The following ARPP21 variants were observed in gnomAD, a reference collection of about 807,000 sequenced individuals.
ARPP21 encodes cAMP-regulated phosphoprotein 21.
A neutral mutation model predicts 113.2 loss-of-function variants in ARPP21; 69 were observed. The ratio of observed to expected loss-of-function variants is 0.61; its 90% confidence interval spans 0.50 to 0.74. The LOEUF is 0.74. Among genes scored for constraint, ARPP21 ranks in the 30% least tolerant of loss-of-function variants. ARPP21 has a pLI of 0.00. For synonymous variants in ARPP21, 368 were observed against 375.5 expected, an observed-to-expected ratio of 0.98 and a Z score of 0.23; for missense variants, 1,070 against 1,037.4, an observed-to-expected ratio of 1.03 and a Z score of -0.43.
intron 14 of ARPP21, among the ~76,000 whole-genome samples, chr3:35,728,402 T>C (rs965434509): frequency 1.3e-5 from 2 of 151,728 alleles, no homozygotes; most frequent in Non-Finnish European, 2.9e-5. Flanking sequence ...GTATTTTTAG[T>C]AGAGATGGGG....
chr3:35,667,972 G>A (rs1300390109), intron 1 of ARPP21, among the ~76,000 whole-genome samples: 2 of 129,368 alleles, frequency 1.5e-5, no homozygotes, highest in African/African-American at 5.9e-5. Context: ...AGAAGAAGAA[G>A]AAGAAGAAGA....
At chr3:35,763,978 A>G (rs1053180593) in intron 19 of ARPP21, among the ~76,000 whole-genome samples, 1 of 152,136 alleles carries the variant, frequency 6.6e-6, no homozygotes, top group Admixed American at 6.6e-5. Context: ...CGCCTGGGCA[A>G]CATAGGGAAA....
intron 5 of ARPP21, chr3:35,684,089 C>T: frequency 6.4e-7 from 1 of 1,558,402 alleles, no homozygotes; most frequent in South Asian, 1.2e-5. Flanking sequence ...AAAAAGTAGG[C>T]ACAGTAGTGC....
chr3:35,730,423 G>C (rs999071350), intron 15 of ARPP21, among the ~76,000 whole-genome samples: 2 of 152,160 alleles, frequency 1.3e-5, no homozygotes, highest in African/African-American at 4.8e-5. Context: ...ACACCCAGTA[G>C]GTAGAGTACA....
chr3:35,772,372 GTT>G (rs1183020990), intron 19 of ARPP21, among the ~76,000 whole-genome samples: 4 of 152,162 alleles, frequency 2.6e-5, no homozygotes, highest in African/African-American at 9.6e-5. Flanking sequence ...AACAGATCCA[GTT>G]TAGCCCAGGC....
At chr3:35,764,849 A>G (rs977538849) in intron 19 of ARPP21, among the ~76,000 whole-genome samples, 18 of 152,154 alleles carry the variant, frequency 1.2e-4, no homozygotes, top group Admixed American at 2.0e-4. Context: ...ATACATATGC[A>G]TAGAGGAATA....
At chr3:35,751,209 G>C (rs1203168833) in intron 19 of ARPP21, among the ~76,000 whole-genome samples, 2 of 152,132 alleles carry the variant, frequency 1.3e-5, no homozygotes, top group African/African-American at 4.8e-5. Flanking sequence ...TTCTGAAACT[G>C]TAGGGATGTG....
At chr3:35,741,734 G>A (rs1231413087) in intron 18 of ARPP21, among the ~76,000 whole-genome samples, 1 of 152,118 alleles carries the variant, frequency 6.6e-6, no homozygotes, top group Non-Finnish European at 1.5e-5. Flanking sequence ...ACATTTCTGA[G>A]CTTTGGGGCT....
intron 18 of ARPP21, among the ~76,000 whole-genome samples, chr3:35,739,993 A>G (rs2094561704): frequency 6.6e-6 from 1 of 152,166 alleles, no homozygotes. Context: ...TTTCTTATCA[A>G]TTCTCAAGCA....
intron 9 of ARPP21, among the ~76,000 whole-genome samples, chr3:35,695,873 C>T (rs773846716): frequency 1.3e-5 from 2 of 151,498 alleles, no homozygotes; most frequent in Non-Finnish European, 3.0e-5. Flanking sequence ...ATTTTTCTAA[C>T]TTTACTGAAG....
In ARPP21 at chr3:35,743,903, T is replaced by TG. The variant is rs1237011641; in HGVS notation, c.2077dup (p.Ala693GlyfsTer50). Reference sequence around the variant, plus strand: ...TCAACCACGCAACAGTACCGGCCCATGGCCCCGGTTCAGTACAACGCTCAG... The same window carrying TG: ...TCAACCACGCAACAGTACCGGCCCATGGGCCCCGGTTCAGTACAACGCTCAG... On this transcript the variant is annotated frameshift_variant, in exon 19 of 21. Transcript: ENST00000684406. LOFTEE classifies it high-confidence loss of function. The TG allele has an allele frequency of 2.5e-6, 4 of 1,613,614 alleles. No individual in the cohort carries two copies. The highest frequency in any genetic ancestry group is 3.4e-6 in the Non-Finnish European group (4 of 1,179,586).
At chr3:35,682,621 T>C in intron 3 of ARPP21, 1 of 446,640 alleles carries the variant, frequency 2.2e-6, no homozygotes, top group Admixed American at 4.1e-5. Context: ...CCAATAGTTG[T>C]TATAAACAGA....
Position 35,793,710 on chromosome 3 carries a change from A to T in ARPP21, c.2296A>T (p.Thr766Ser). 6.2e-7 allele frequency: 1 copy of T among 1,613,570 alleles called. No homozygotes were observed. Among genetic ancestry groups the T allele is most frequent in the Non-Finnish European group, 8.5e-7 (1 of 1,179,532 alleles). The change falls in exon 21 of 21, where the codon ACC becomes TCC. Residue 766 changes from threonine (T) to serine (S), a missense_variant. Transcript: ENST00000684406. ...TTGTGTCTTTTTACAGGTGCCAATG[A>T]CCCAGGGTTCTCAAGGACTGCCCCA... is the stretch of plus-strand genomic sequence containing the variant. ...PTMSSYQVPM[T>S]QGSQGLPQQS...
chr3:35,668,007 AG>A (rs1367997067), intron 1 of ARPP21, among the ~76,000 whole-genome samples: 10 of 150,512 alleles, frequency 6.6e-5, no homozygotes, highest in African/African-American at 2.5e-4. Flanking sequence ...AAGAAGAAGA[AG>A]AAGAAGAAGA....
At chr3:35,722,592 T>C (rs1312175988) in intron 14 of ARPP21, among the ~76,000 whole-genome samples, 7 of 152,208 alleles carry the variant, frequency 4.6e-5, no homozygotes, top group Non-Finnish European at 8.8e-5. Flanking sequence ...CAGAGAGGTT[T>C]AGAGTTTCCA....
At chr3:35,665,076 T>A (rs2073992103) in intron 1 of ARPP21, among the ~76,000 whole-genome samples, 1 of 152,232 alleles carries the variant, frequency 6.6e-6, no homozygotes, top group South Asian at 2.1e-4. Context: ...CTTAAAGGAA[T>A]GATTTTAAAA....
chr3:35,667,972 G>T (rs1300390109), intron 1 of ARPP21, among the ~76,000 whole-genome samples: 1 of 129,368 alleles, frequency 7.7e-6, no homozygotes, highest in Admixed American at 7.7e-5. Context: ...AGAAGAAGAA[G>T]AAGAAGAAGA....
At chr3:35,651,558 A>G (rs1702391978) in intron 1 of ARPP21, 1 of 152,096 alleles carries the variant, frequency 6.6e-6, no homozygotes, top group Admixed American at 6.6e-5. Flanking sequence ...CTTATCAAGA[A>G]TAGTTGGTTA....
chr3:35,769,307 T>C (rs1027820277), intron 19 of ARPP21, among the ~76,000 whole-genome samples: 12 of 152,104 alleles, frequency 7.9e-5, no homozygotes, highest in African/African-American at 2.9e-4. Context: ...TTTATTTGAG[T>C]GACTACTGCC....
Sources: gnomAD v4.1 joint callset for allele counts (sites outside exome capture counted in the v4.1 genomes callset) on GRCh38, gnomAD v4.1.1 for gene constraint, MANE v1.5 for transcripts, NCBI Gene and HGNC (gene_info 2026-07-23, HGNC 2026-07-21) for gene names.